ATP5F1C: variants seen among roughly 807,000 people sequenced by gnomAD.
ATP5F1C encodes the protein ATP synthase F(1) complex subunit gamma, mitochondrial.
A neutral mutation model predicts 37.4 loss-of-function variants in ATP5F1C; 22 were observed. That is an observed-to-expected ratio of 0.59 (90% CI 0.42 to 0.84). The LOEUF is 0.84. Among genes scored for constraint, ATP5F1C ranks in the 40% least tolerant of loss-of-function variants. The pLI, the probability that ATP5F1C is intolerant of heterozygous loss-of-function variation, is 0.00. For missense variants in ATP5F1C, 286 were observed against 362.4 expected (o/e 0.79, Z 1.71); for synonymous variants, 121 against 128.0 (o/e 0.95, Z 0.37).
Position 7,797,729 on chromosome 10 carries a change from C to T in ATP5F1C, c.223+551C>T, listed in dbSNP as rs145365871. On this transcript the variant is annotated intron_variant, in intron 3 of 9. Coordinates refer to ENST00000356708, the MANE Select transcript of ATP5F1C (RefSeq NM_001001973.3). Reference sequence around the variant, plus strand: ...GACTCATGATGGTGTTTTGAGAATCCGAACGATGTTGAAGCAGGAAAAGCA... The same window carrying T: ...GACTCATGATGGTGTTTTGAGAATCTGAACGATGTTGAAGCAGGAAAAGCA... Among the ~76,000 whole-genome samples, 8 of 152,108 alleles carry T rather than the reference C, an allele frequency of 5.3e-5. No individual in the cohort carries two copies. In the East Asian group the frequency reaches 1.4e-3, roughly 26 times the overall value.
chr10:7,803,529 C>T (rs543522638), intron 8 of ATP5F1C, among the ~76,000 whole-genome samples: 1 of 151,426 alleles, frequency 6.6e-6, no homozygotes, highest in Non-Finnish European at 1.5e-5. Flanking sequence ...GTCTTTTTTC[C>T]AAATATTTTA....
intron 3 of ATP5F1C, among the ~76,000 whole-genome samples, chr10:7,798,412 A>AT (rs1197151480): frequency 9.0e-5 from 13 of 144,158 alleles, no homozygotes; most frequent in East Asian, 2.0e-4. Context: ...TAATTTTTGT[A>AT]TTTTTTTTTT....
rs76257562 is a variant in ATP5F1C at position 7,804,648 on chromosome 10, A to G, written c.890+1794A>G. Among the ~76,000 whole-genome samples, 1,213 of 152,290 alleles carry G rather than the reference A, an allele frequency of 8.0e-3. 16 individuals carry two copies. The highest frequency in any genetic ancestry group is 0.028 in the African/African-American group (1,144 of 41,550). ...TTTAGCTTAGCTCTTACAGCCTTGT[A>G]TGAGGAATTGGCTTTTTATTTGTCT... On this transcript the variant is annotated intron_variant, in intron 8 of 9. Transcript: ENST00000356708.
Position 7,788,414 on chromosome 10 carries a change from C to CT in ATP5F1C, c.56+152dup. 2.6e-6 allele frequency: 3 copies of CT among 1,173,370 alleles called. No individual in the cohort carries two copies. In the South Asian group the frequency reaches 4.0e-5, roughly 16 times the overall value. 72.7% of individuals were successfully genotyped at this position (1,173,370 alleles called of 1,614,324 possible). The stretch of plus-strand genomic sequence containing the variant: ...CGTCGGAGGCGCCGGGTAGCGGGGG[C>CT]TGCAGGAAGCGGCTCTGAGGTCGGG... On this transcript the variant is annotated intron_variant, in intron 1 of 9. Transcript: ENST00000356708.
chr10:7,792,982 C>G (rs879595403), intron 1 of ATP5F1C, among the ~76,000 whole-genome samples: 5 of 152,230 alleles, frequency 3.3e-5, no homozygotes, highest in Non-Finnish European at 5.9e-5. Context: ...TCCTCATCAT[C>G]ATTTGCTGGT....
At position 7,796,148 on chromosome 10, in the gene ATP5F1C, G is replaced by A. The variant is rs761174216; in HGVS notation, c.84G>A (p.Leu28=). ...QWIQVRNMAT[L]KDITRRLKSI... ...TTCAAGTTCGAAATATGGCAACTTT[G>A]AAAGATAGTAAGTATGTTGTTTGTC... is the stretch of plus-strand genomic sequence containing the variant. The change falls in exon 2 of 10, where the codon TTG becomes TTA. Residue 28 remains leucine, a synonymous_variant. Transcript: ENST00000356708. The A allele has an allele frequency of 2.4e-5, 38 of 1,588,018 alleles. No homozygotes were observed. The highest frequency in any genetic ancestry group is 3.1e-5 in the Non-Finnish European group (36 of 1,171,964).
At chr10:7,799,591 T>G (rs1245599645) in intron 4 of ATP5F1C, 181 bp from the exon 5 acceptor site, 2 of 649,688 alleles carry the variant, frequency 3.1e-6, no homozygotes, top group East Asian at 5.5e-5. Context: ...TAGTTCTTAG[T>G]TCTTTGCAGG....
intron 1 of ATP5F1C, among the ~76,000 whole-genome samples, chr10:7,795,315 C>T (rs1244012937): frequency 2.0e-5 from 3 of 152,104 alleles, no homozygotes; most frequent in African/African-American, 7.2e-5. Context: ...GCTCAGTTCT[C>T]CTGTGTAGCT....
At chr10:7,794,800 A>G (rs1021911353) in intron 1 of ATP5F1C, among the ~76,000 whole-genome samples, 3 of 152,318 alleles carry the variant, frequency 2.0e-5, no homozygotes, top group Admixed American at 1.3e-4. Context: ...CTCATGAGAG[A>G]TATTAGTCAC....
chr10:7,790,206 G>T (rs1253563533), intron 1 of ATP5F1C, among the ~76,000 whole-genome samples: 1 of 152,164 alleles, frequency 6.6e-6, no homozygotes, highest in Non-Finnish European at 1.5e-5. Context: ...CCATGAAGAG[G>T]CATATTTCCA....
At chr10:7,796,234 T>G (rs991602689) in intron 2 of ATP5F1C, 79 bp downstream of exon 2, 18 of 1,274,828 alleles carry the variant, frequency 1.4e-5, no homozygotes, top group Non-Finnish European at 1.9e-5. Flanking sequence ...AAAAATATAC[T>G]GCTTTAGCCC....
chr10:7,793,860 C>T (rs952127128), intron 1 of ATP5F1C, among the ~76,000 whole-genome samples: 2 of 152,094 alleles, frequency 1.3e-5, no homozygotes, highest in Non-Finnish European at 2.9e-5. Context: ...GTTCCAGTGC[C>T]ATTTGTTTGT....
At chr10:7,796,817 C>G in intron 2 of ATP5F1C, 2 of 333,884 alleles carry the variant, frequency 6.0e-6, no homozygotes. Flanking sequence ...ATCTCCTGAC[C>G]TCGTGATCCG....
At chr10:7,796,589 A>AT (rs34314555) in intron 2 of ATP5F1C, 17 of 150,124 alleles carry the variant, frequency 1.1e-4, no homozygotes, top group African/African-American at 4.2e-4. Flanking sequence ...TACTATTTCT[A>AT]TTTTTTTTTT....
chr10:7,800,491 A>ATTTTTTTT (rs137972460), intron 6 of ATP5F1C, among the ~76,000 whole-genome samples: 1 of 113,390 alleles, frequency 8.8e-6, no homozygotes. Context: ...CCAGCCTTTT[A>ATTTTTTTT]TTTTTTTATT....
intron 8 of ATP5F1C, among the ~76,000 whole-genome samples, chr10:7,804,938 CAGAG>C (rs1836444600): frequency 6.6e-6 from 1 of 152,194 alleles, no homozygotes; most frequent in Non-Finnish European, 1.5e-5. Context: ...GGCAGAATGC[CAGAG>C]AGACACAACT....
intron 1 of ATP5F1C, among the ~76,000 whole-genome samples, chr10:7,792,520 C>CT (rs746504901): frequency 6.6e-5 from 10 of 152,222 alleles, no homozygotes; most frequent in Non-Finnish European, 1.3e-4. Flanking sequence ...CTCCTCTACT[C>CT]TCCCCAAAAC....
At chr10:7,789,684 C>T (rs1836128990) in intron 1 of ATP5F1C, among the ~76,000 whole-genome samples, 1 of 152,178 alleles carries the variant, frequency 6.6e-6, no homozygotes, top group Admixed American at 6.5e-5. Context: ...AACATCAGCT[C>T]TCCTGGCCTT....
intron 1 of ATP5F1C, among the ~76,000 whole-genome samples, chr10:7,791,304 CAA>C (rs970577111): frequency 7.2e-6 from 1 of 139,278 alleles, no homozygotes. Context: ...ATCTCAAAAA[CAA>C]AAAAAAAAAG....
Sources: allele counts gnomAD v4.1 joint callset (sites outside exome capture counted in the v4.1 genomes callset), GRCh38; gene constraint gnomAD v4.1.1; transcripts MANE v1.5; gene names NCBI Gene and HGNC (gene_info 2026-07-23, HGNC 2026-07-21).